KHDRBS2: variants seen among roughly 807,000 people sequenced by gnomAD.
KHDRBS2 encodes the protein KH domain-containing, RNA-binding, signal transduction-associated protein 2.
In KHDRBS2, 26 loss-of-function variants were observed where a neutral mutation model predicts 44.3. That is an observed-to-expected ratio of 0.59 (90% CI 0.43 to 0.81). KHDRBS2 has a LOEUF of 0.81. Ranked by LOEUF, KHDRBS2 falls within the 40% of genes least tolerant of loss-of-function variation. KHDRBS2 has a pLI of 0.00. For missense variants in KHDRBS2, 476 were observed against 433.1 expected, an observed-to-expected ratio of 1.10 and a Z score of -0.88; for synonymous variants, 194 against 151.1, an observed-to-expected ratio of 1.28 and a Z score of -2.08.
intron 6 of KHDRBS2, among the ~76,000 whole-genome samples, chr6:61,808,339 T>C (rs1352290244): frequency 6.6e-6 from 1 of 152,120 alleles, no homozygotes; most frequent in Non-Finnish European, 1.5e-5. Flanking sequence ...AGTTGGAGTA[T>C]TCAAATGTGC....
At chr6:61,627,239 C>T in the KHDRBS2 span, among the ~76,000 whole-genome samples, 2 of 101,922 alleles carry the variant, frequency 2.0e-5, no homozygotes, top group East Asian at 3.0e-4. Context: ...GGCGACAGAG[C>T]GAGACTCCGT....
the KHDRBS2 span, among the ~76,000 whole-genome samples, chr6:61,642,315 T>C: frequency 1.3e-5 from 2 of 152,068 alleles, no homozygotes; most frequent in African/African-American, 4.8e-5. Context: ...ATTTAAATCA[T>C]TTACTTGAAT....
chr6:61,938,981 A>G (rs1811584746), intron 4 of KHDRBS2, among the ~76,000 whole-genome samples: 1 of 151,998 alleles, frequency 6.6e-6, no homozygotes, highest in Non-Finnish European at 1.5e-5. Context: ...AGTGGAGGCT[A>G]TTTGCCTCTT....
chr6:61,732,184 A>G (rs1256078553), intron 7 of KHDRBS2, among the ~76,000 whole-genome samples: 12 of 152,082 alleles, frequency 7.9e-5, no homozygotes, highest in Non-Finnish European at 2.9e-5. Flanking sequence ...TATATCACAA[A>G]TTTTGGGTCA....
intron 4 of KHDRBS2, among the ~76,000 whole-genome samples, chr6:61,949,913 A>C (rs1181397083): frequency 1.3e-5 from 2 of 152,090 alleles, no homozygotes; most frequent in African/African-American, 2.4e-5. Context: ...ATTAGCTATC[A>C]CTAGTTCAAT....
At chr6:61,727,699 C>A (rs1773802960) in intron 7 of KHDRBS2, among the ~76,000 whole-genome samples, 1 of 152,078 alleles carries the variant, frequency 6.6e-6, no homozygotes, top group East Asian at 1.9e-4. Flanking sequence ...CATCACTGAT[C>A]ATTAGAGAAA....
rs533538076 is a variant in KHDRBS2 at position 62,276,440 on chromosome 6, T to C, written c.91+9418A>G. ...CAAATGTAAGCAGTTCTCTAAAAAA[T>C]GTGGGGAAAAAAATGCCTCAGCAAA... On this transcript the variant is annotated intron_variant, in intron 1 of 8. Coordinates refer to ENST00000281156, the MANE Select transcript of KHDRBS2 (RefSeq NM_152688.4). Among the ~76,000 whole-genome samples the C allele has an allele frequency of 1.3e-3, 196 of 152,260 alleles. 2 individuals are homozygous for C. Among genetic ancestry groups the C allele is most frequent in the Middle Eastern group, 3.4e-3 (1 of 294 alleles).
intron 1 of KHDRBS2, among the ~76,000 whole-genome samples, chr6:62,261,472 T>C (rs1218636753): frequency 1.3e-5 from 2 of 151,880 alleles, no homozygotes; most frequent in Non-Finnish European, 2.9e-5. Context: ...CCAAAAAGCA[T>C]TATATAAAGT....
intron 8 of KHDRBS2, among the ~76,000 whole-genome samples, chr6:61,685,954 G>A (rs766457494): frequency 7.3e-5 from 11 of 151,688 alleles, no homozygotes; most frequent in Non-Finnish European, 1.2e-4. Context: ...AGGAAAAGTT[G>A]ACATTATTTA....
intron 7 of KHDRBS2, among the ~76,000 whole-genome samples, chr6:61,726,805 A>C (rs1442477174): frequency 2.0e-5 from 3 of 152,228 alleles, no homozygotes; most frequent in African/African-American, 7.2e-5. Flanking sequence ...TTCCATGCTT[A>C]TGGATAGGAA....
the KHDRBS2 span, among the ~76,000 whole-genome samples, chr6:61,649,002 T>C: frequency 4.6e-5 from 7 of 152,052 alleles, no homozygotes; most frequent in Non-Finnish European, 1.5e-5. Context: ...GGGGATTTTG[T>C]GGTTGATCAA....
At position 62,075,466 on chromosome 6, in the gene KHDRBS2, G is replaced by A. The variant is rs1796142607; in HGVS notation, c.220-27472C>T. Among the ~76,000 whole-genome samples, 3 of 152,000 alleles carry A rather than the reference G, an allele frequency of 2.0e-5. No individual in the cohort carries two copies. In the South Asian group the frequency reaches 6.2e-4, roughly 32 times the overall value. ...AGGCTGAAAAGACTAAAACATCCTG[G>A]TATACCAATGGTCCTGGTTCAATTT... On this transcript the variant is annotated intron_variant, in intron 2 of 8. Transcript: ENST00000281156.
the KHDRBS2 span, among the ~76,000 whole-genome samples, chr6:61,668,522 T>C: frequency 1.3e-5 from 2 of 151,090 alleles, no homozygotes; most frequent in African/African-American, 2.4e-5. Context: ...GAGTTGAATG[T>C]TCTTTTTTCA....
At chr6:62,252,295 G>A (rs186179683) in intron 1 of KHDRBS2, among the ~76,000 whole-genome samples, 38 of 151,964 alleles carry the variant, frequency 2.5e-4, no homozygotes, top group Admixed American at 9.9e-4. Context: ...CAACATGCCA[G>A]CCAGCATCAT....
intron 8 of KHDRBS2, among the ~76,000 whole-genome samples, chr6:61,688,486 T>C (rs1767049901): frequency 6.6e-6 from 1 of 151,904 alleles, no homozygotes; most frequent in Non-Finnish European, 1.5e-5. Flanking sequence ...TAAAGTAATA[T>C]GGTATAATTC....
intron 1 of KHDRBS2, among the ~76,000 whole-genome samples, chr6:62,258,621 A>G (rs1240563941): frequency 6.6e-6 from 1 of 152,054 alleles, no homozygotes; most frequent in Non-Finnish European, 1.5e-5. Flanking sequence ...ATTAAAACAT[A>G]TAAAATAACA....
the KHDRBS2 span, among the ~76,000 whole-genome samples, chr6:61,571,537 G>T: frequency 6.6e-6 from 1 of 151,944 alleles, no homozygotes; most frequent in Admixed American, 6.6e-5. Flanking sequence ...ACAATGGACT[G>T]AAACTATACC....
Position 61,721,716 on chromosome 6 carries a change from C to A in KHDRBS2, c.893+10966G>T, listed in dbSNP as rs531268504. ...GGGTTTTCTAGCTATACAATCATGT[C>A]ATCTGCAAACAGGGACAATTTGACT... On this transcript the variant is annotated intron_variant, in intron 7 of 8. Transcript: ENST00000281156. Among the ~76,000 whole-genome samples, 3 of 117,132 alleles carry A rather than the reference C, an allele frequency of 2.6e-5. 1 individual carries two copies. Among genetic ancestry groups the A allele is most frequent in the South Asian group, 5.4e-4 (2 of 3,700 alleles). 76.8% of individuals were successfully genotyped at this position (117,132 alleles called of 152,430 possible). A position where few individuals can be genotyped will look rare whatever the true frequency, so the allele number is the denominator to read the frequency against.
chr6:61,940,037 T>C (rs1811831799), intron 4 of KHDRBS2, among the ~76,000 whole-genome samples: 1 of 152,024 alleles, frequency 6.6e-6, no homozygotes, highest in Non-Finnish European at 1.5e-5. Context: ...AAGAGAAACA[T>C]AAGAATTCAT....
Sources: allele counts gnomAD v4.1 joint callset (sites outside exome capture counted in the v4.1 genomes callset), GRCh38; gene constraint gnomAD v4.1.1; transcripts MANE v1.5; gene names NCBI Gene and HGNC (gene_info 2026-07-23, HGNC 2026-07-21).